Variants in FAF1 observed in about 807,000 individuals in gnomAD.
FAF1 encodes Fas associated factor 1, also known as FAS-associated factor 1.
In FAF1, 25 loss-of-function variants were observed where a neutral mutation model predicts 92.5. The ratio of observed to expected loss-of-function variants is 0.27; its 90% CI spans 0.20 to 0.38. The LOEUF (loss-of-function observed/expected upper bound fraction) is 0.38, where lower values mean the gene tolerates loss of function less well. FAF1 is among the 10% of genes least tolerant of loss of function. The pLI is 1.00. For missense variants in FAF1, 636 were observed against 793.3 expected, an observed-to-expected ratio of 0.80 and a Z score of 2.38; for synonymous variants, 234 against 273.2, an observed-to-expected ratio of 0.86 and a Z score of 1.42.
intron 8 of FAF1, among the ~76,000 whole-genome samples, chr1:50,652,726 ACT>A (rs1182918422): frequency 6.6e-6 from 1 of 152,096 alleles, no homozygotes; most frequent in African/African-American, 2.4e-5. Context: ...ATCCTCACTC[ACT>A]CTGCCACACA....
chr1:50,911,177 A>G (rs892832795), intron 1 of FAF1, among the ~76,000 whole-genome samples: 1 of 151,614 alleles, frequency 6.6e-6, no homozygotes, highest in African/African-American at 2.4e-5. Context: ...AGTTCAAGCA[A>G]TTCTCTCACC....
intron 3 of FAF1, among the ~76,000 whole-genome samples, chr1:50,796,968 T>G (rs2124585931): frequency 6.6e-6 from 1 of 152,142 alleles, no homozygotes; most frequent in Non-Finnish European, 1.5e-5. Flanking sequence ...AAACTCCATC[T>G]CTACAAAAAA....
chr1:50,584,646 G>A, intron 10 of FAF1, 39 bp downstream of exon 10: 3 of 1,596,278 alleles, frequency 1.9e-6, no homozygotes, highest in Non-Finnish European at 2.6e-6. Context: ...CTAGAAGAAA[G>A]AATTCTATTG....
intron 1 of FAF1, among the ~76,000 whole-genome samples, chr1:50,953,372 C>G: frequency 6.6e-6 from 1 of 151,666 alleles, no homozygotes. Flanking sequence ...CTCCGAGAAA[C>G]ACCCAAGAAT....
chr1:50,767,284 A>G (rs998044198), intron 4 of FAF1, among the ~76,000 whole-genome samples: 1 of 152,172 alleles, frequency 6.6e-6, no homozygotes, highest in African/African-American at 2.4e-5. Context: ...AAAAAAGAAC[A>G]AACAAAACCT....
chr1:50,622,653 A>C (rs1243770914), intron 8 of FAF1, among the ~76,000 whole-genome samples: 1 of 152,190 alleles, frequency 6.6e-6, no homozygotes. Context: ...AATTTTACAG[A>C]ATCATAAAAT....
chr1:50,471,885 T>C (rs531185848), intron 18 of FAF1, among the ~76,000 whole-genome samples: 2 of 151,146 alleles, frequency 1.3e-5, no homozygotes, highest in Admixed American at 6.6e-5. Context: ...AGTTGTGGGA[T>C]AAAGAAATAA....
At chr1:50,554,388 TATAGAG>T (rs1469076122) in intron 13 of FAF1, among the ~76,000 whole-genome samples, 6 of 100,684 alleles carry the variant, frequency 6.0e-5, no homozygotes, top group African/African-American at 1.7e-4. Context: ...TATATATATA[TATAGAG>T]AGAGAGAGAG....
At chr1:50,482,360 C>A (rs906273945) in intron 17 of FAF1, among the ~76,000 whole-genome samples, 9 of 152,128 alleles carry the variant, frequency 5.9e-5, no homozygotes, top group African/African-American at 1.9e-4. Flanking sequence ...AGCTTGATGA[C>A]CCCTTCTCCA....
intron 5 of FAF1, among the ~76,000 whole-genome samples, chr1:50,743,313 A>G (rs1659459466): frequency 6.6e-6 from 1 of 152,118 alleles, no homozygotes; most frequent in African/African-American, 2.4e-5. Context: ...TGAAGTTTTT[A>G]TATTTTTATT....
In FAF1 at chr1:50,670,117, G is replaced by A. The variant is rs191272134; in HGVS notation, c.658-14589C>T. On this transcript the variant is annotated intron_variant, in intron 7 of 18. Transcript: ENST00000396153. ...GCCTGGGCAACAAGAGCAAAACTCC[G>A]TCTCAAAAAGAAAAAAAAAAAAAAA... 8.7e-3 allele frequency among the ~76,000 whole-genome samples: 1,108 copies of A among 128,030 alleles called. 14 individuals carry two copies. Among genetic ancestry groups the A allele is most frequent in the African/African-American group, 0.032 (1,067 of 33,766 alleles). 84.0% of individuals were successfully genotyped at this position (128,030 alleles called of 152,430 possible). A position where few individuals can be genotyped will look rare whatever the true frequency, so the allele number is the denominator to read the frequency against.
At chr1:50,825,212 AC>A (rs1644085033) in intron 2 of FAF1, among the ~76,000 whole-genome samples, 1 of 152,140 alleles carries the variant, frequency 6.6e-6, no homozygotes, top group Admixed American at 6.5e-5. Flanking sequence ...ACCACATGCA[AC>A]CCATAAATAT....
intron 1 of FAF1, among the ~76,000 whole-genome samples, chr1:50,904,853 A>T (rs1644822964): frequency 1.3e-5 from 2 of 152,096 alleles, no homozygotes; most frequent in African/African-American, 2.4e-5. Context: ...CTTTTAAGCC[A>T]TCTGAATAAT....
chr1:50,512,286 TTGG>T (rs1286086947), intron 15 of FAF1, among the ~76,000 whole-genome samples: 1 of 152,234 alleles, frequency 6.6e-6, no homozygotes, highest in Non-Finnish European at 1.5e-5. Context: ...GCCATTGCTT[TTGG>T]TGTTTTAGTT....
intron 15 of FAF1, among the ~76,000 whole-genome samples, chr1:50,527,868 C>CTCTCTCTCTCTCTCT (rs1491383904): frequency 3.2e-4 from 18 of 57,100 alleles, no homozygotes; most frequent in Non-Finnish European, 4.1e-4. Flanking sequence ...TCCCTCTCTC[C>CTCTCTCTCTCTCTCT]CTCTCTCTCT....
intron 2 of FAF1, among the ~76,000 whole-genome samples, chr1:50,845,012 A>G (rs1487750790): frequency 6.6e-6 from 1 of 152,238 alleles, no homozygotes; most frequent in Admixed American, 6.5e-5. Flanking sequence ...AGCTAACTTA[A>G]GTCAACACTG....
chr1:50,532,701 C>G (rs531728539), intron 15 of FAF1, among the ~76,000 whole-genome samples: 1 of 152,062 alleles, frequency 6.6e-6, no homozygotes, highest in Non-Finnish European at 1.5e-5. Flanking sequence ...TAGAAGATAC[C>G]TAGTGAGCAT....
At chr1:50,812,390 A>T (rs1180833362) in intron 2 of FAF1, among the ~76,000 whole-genome samples, 2 of 152,186 alleles carry the variant, frequency 1.3e-5, no homozygotes, top group African/African-American at 4.8e-5. Context: ...AAAAACAAAC[A>T]ACCCCATTAA....
At chr1:50,697,594 G>A (rs1557481097) in intron 7 of FAF1, among the ~76,000 whole-genome samples, 1 of 152,116 alleles carries the variant, frequency 6.6e-6, no homozygotes, top group Non-Finnish European at 1.5e-5. Context: ...CTTGGTACAA[G>A]ACTCATGGAA....
Sources: gnomAD v4.1 joint callset for allele counts (sites outside exome capture counted in the v4.1 genomes callset) on GRCh38, gnomAD v4.1.1 for gene constraint, MANE v1.5 for transcripts, NCBI Gene and HGNC (gene_info 2026-07-23, HGNC 2026-07-21) for gene names.